DLGAP2: variants seen among roughly 807,000 people sequenced by gnomAD.
The protein encoded by DLGAP2 is DLG associated protein 2.
In DLGAP2, 26 loss-of-function variants were observed where a neutral mutation model predicts 100.3. That is an observed-to-expected ratio of 0.26 (90% CI 0.19 to 0.36). The LOEUF (loss-of-function observed/expected upper bound fraction) is 0.36. Among genes scored for constraint, DLGAP2 ranks in the 10% least tolerant of loss-of-function variants. The pLI is 1.00. For missense variants in DLGAP2, 1,858 were observed against 1,453.2 expected, an observed-to-expected ratio of 1.28 and a Z score of -4.53; for synonymous variants, 886 against 630.1, an observed-to-expected ratio of 1.41 and a Z score of -6.08.
intron 3 of DLGAP2, among the ~76,000 whole-genome samples, chr8:1,317,863 T>G (rs1203360586): frequency 6.9e-6 from 1 of 144,466 alleles, no homozygotes; most frequent in Non-Finnish European, 1.5e-5. Context: ...CTCAGCAGCT[T>G]TTAAAAATAG....
intron 8 of DLGAP2, among the ~76,000 whole-genome samples, chr8:1,654,433 G>A (rs1010830057): frequency 4.6e-5 from 7 of 151,858 alleles, no homozygotes; most frequent in Admixed American, 6.6e-5. Flanking sequence ...AGGCAGAGGC[G>A]GGTGGATCAC....
chr8:1,315,359 C>CTG (rs1800711126), intron 3 of DLGAP2, among the ~76,000 whole-genome samples: 1 of 135,114 alleles, frequency 7.4e-6, no homozygotes, highest in African/African-American at 2.8e-5. Context: ...AAAATAGAGC[C>CTG]TATGCGAGTG....
intron 1 of DLGAP2, among the ~76,000 whole-genome samples, chr8:907,612 C>A (rs1162498804): frequency 2.6e-5 from 4 of 152,144 alleles, no homozygotes; most frequent in Admixed American, 2.6e-4. Flanking sequence ...ATTGTGGGAG[C>A]CCCTGGAGTA....
intron 6 of DLGAP2, among the ~76,000 whole-genome samples, chr8:1,581,081 C>T (rs1037028748): frequency 1.3e-4 from 19 of 151,458 alleles, no homozygotes; most frequent in African/African-American, 4.4e-4. Flanking sequence ...CACATCTACA[C>T]ACCACAGTCA....
chr8:1,360,442 G>A (rs1024505973), intron 3 of DLGAP2, among the ~76,000 whole-genome samples: 2 of 150,028 alleles, frequency 1.3e-5, no homozygotes, highest in African/African-American at 5.0e-5. Flanking sequence ...TGCCCTGAGT[G>A]TTTTGCCCAC....
intron 2 of DLGAP2, among the ~76,000 whole-genome samples, chr8:1,007,976 G>T (rs12680707): frequency 8.6e-5 from 13 of 151,762 alleles, no homozygotes; most frequent in Non-Finnish European, 1.3e-4. Flanking sequence ...ATAAAGAAGG[G>T]GATGTGTTCT....
At chr8:1,563,535 G>A (rs923438137) in intron 5 of DLGAP2, among the ~76,000 whole-genome samples, 1 of 150,622 alleles carries the variant, frequency 6.6e-6, no homozygotes, top group Non-Finnish European at 1.5e-5. Context: ...TGCGGGGACC[G>A]TGCAGTGTCC....
chr8:1,059,825 G>A (rs1023018985), intron 2 of DLGAP2, among the ~76,000 whole-genome samples: 1 of 152,202 alleles, frequency 6.6e-6, no homozygotes, highest in East Asian at 1.9e-4. Context: ...TGGGAAGGCA[G>A]CCAGGCAGTG....
intron 1 of DLGAP2, among the ~76,000 whole-genome samples, chr8:836,094 G>A (rs1488470395): frequency 6.6e-6 from 1 of 152,154 alleles, no homozygotes; most frequent in Non-Finnish European, 1.5e-5. Context: ...GCACAGCGGC[G>A]GCGCAACAGC....
chr8:1,234,082 A>C (rs1268141587), intron 2 of DLGAP2, among the ~76,000 whole-genome samples: 1 of 152,208 alleles, frequency 6.6e-6, no homozygotes, highest in African/African-American at 2.4e-5. Flanking sequence ...ATAAAGTGCC[A>C]AAGAGAAGTT....
At chr8:1,359,581 G>C (rs574215295) in intron 3 of DLGAP2, among the ~76,000 whole-genome samples, 1 of 152,360 alleles carries the variant, frequency 6.6e-6, no homozygotes, top group African/African-American at 2.4e-5. Context: ...CGCTCAGCGG[G>C]AGTGTGTGCT....
intron 2 of DLGAP2, among the ~76,000 whole-genome samples, chr8:1,242,304 C>T (rs533111858): frequency 1.1e-4 from 16 of 152,134 alleles, no homozygotes; most frequent in East Asian, 7.7e-4. Context: ...ATGCAGGTGA[C>T]GGGGCAGGGC....
intron 6 of DLGAP2, among the ~76,000 whole-genome samples, chr8:1,568,494 C>T (rs2956920): frequency 0.49 from 48,306 of 99,522 alleles, 9,639 homozygotes; most frequent in Middle Eastern, 0.64. Context: ...CGTCTCTGCC[C>T]GTGGCCCCCA....
Position 1,437,370 on chromosome 8 carries a change from A to C in DLGAP2, c.107-63996A>C, listed in dbSNP as rs560913001. Among the ~76,000 whole-genome samples the C allele has an allele frequency of 2.6e-5, 4 of 152,354 alleles. No individual in the cohort carries two copies. In the South Asian group the frequency reaches 8.3e-4, roughly 32 times the overall value. ...ACGAGGCCACCTTACGTTTCTCTGAATGTGCCCCCTCATTAAGTGGCACAT... is the reference window on the plus strand; with the variant it reads ...ACGAGGCCACCTTACGTTTCTCTGACTGTGCCCCCTCATTAAGTGGCACAT... On this transcript the variant is annotated intron_variant, in intron 3 of 14. Transcript: ENST00000637795.
chr8:1,281,131 C>T (rs956374289), intron 3 of DLGAP2, among the ~76,000 whole-genome samples: 4 of 152,148 alleles, frequency 2.6e-5, no homozygotes, highest in African/African-American at 4.8e-5. Flanking sequence ...CCTAACCCAC[C>T]GTAATTGCTT....
intron 8 of DLGAP2, among the ~76,000 whole-genome samples, chr8:1,635,989 G>A (rs901897497): frequency 6.6e-6 from 1 of 152,118 alleles, no homozygotes; most frequent in Non-Finnish European, 1.5e-5. Context: ...CCTGTGAGGC[G>A]GTGTGAGCCA....
chr8:1,324,525 A>G (rs979234327), intron 3 of DLGAP2, among the ~76,000 whole-genome samples: 2 of 152,210 alleles, frequency 1.3e-5, no homozygotes, highest in Non-Finnish European at 2.9e-5. Context: ...CTTACCCATT[A>G]ACACATTGCT....
intron 1 of DLGAP2, among the ~76,000 whole-genome samples, chr8:824,465 G>C (rs900092022): frequency 2.6e-5 from 4 of 152,118 alleles, no homozygotes; most frequent in African/African-American, 9.7e-5. Context: ...GAGCGCGTTG[G>C]CTTACTTTTC....
chr8:851,007 C>T (rs193129206), intron 1 of DLGAP2, among the ~76,000 whole-genome samples: 80 of 152,234 alleles, frequency 5.3e-4, no homozygotes, highest in African/African-American at 1.7e-3. Context: ...AGTAGAGACG[C>T]AGCAAAAGAT....
Sources: allele counts gnomAD v4.1 joint callset (sites outside exome capture counted in the v4.1 genomes callset), GRCh38; gene constraint gnomAD v4.1.1; transcripts MANE v1.5; gene names NCBI Gene and HGNC (gene_info 2026-07-23, HGNC 2026-07-21).